KIF11: variants seen among roughly 807,000 people sequenced by gnomAD.
KIF11 encodes the protein kinesin family member 11.
A neutral mutation model predicts 121.0 loss-of-function variants in KIF11; 9 were observed. That is an observed-to-expected ratio of 0.07 (90% CI 0.04 to 0.13). The LOEUF (loss-of-function observed/expected upper bound fraction) is 0.13. Among genes scored for constraint, KIF11 ranks in the 10% least tolerant of loss-of-function variants. The pLI is 1.00. For missense variants in KIF11, 846 were observed against 1,217.5 expected (o/e 0.69, Z 4.54); for synonymous variants, 408 against 421.0 (o/e 0.97, Z 0.38).
intron 17 of KIF11, among the ~76,000 whole-genome samples, chr10:92,640,200 GA>G (rs1376653856): frequency 6.6e-6 from 1 of 152,168 alleles, no homozygotes; most frequent in East Asian, 1.9e-4. Context: ...TATTACTGAT[GA>G]AAAATATACT....
chr10:92,615,997 C>A lies in KIF11; in HGVS notation c.1033-740C>A, dbSNP rs975058211. On this transcript the variant is annotated intron_variant, in intron 8 of 21. Transcript: ENST00000260731. ...TGGGATTACAGGCGCCACCACCATG[C>A]CTGGCTAATTTTTGTATTTGTGGTG... Among the ~76,000 whole-genome samples the A allele has an allele frequency of 2.6e-5, 4 of 151,612 alleles. No individual in the cohort carries two copies. In the South Asian group the frequency reaches 8.3e-4, roughly 31 times the overall value.
chr10:92,629,143 G>T (rs1844708309), intron 11 of KIF11, among the ~76,000 whole-genome samples: 1 of 151,798 alleles, frequency 6.6e-6, no homozygotes, highest in Admixed American at 6.6e-5. Flanking sequence ...ACCATGCCTG[G>T]CTAATTTTTT....
chr10:92,635,362 G>A (rs1844784771), intron 14 of KIF11, among the ~76,000 whole-genome samples: 1 of 152,130 alleles, frequency 6.6e-6, no homozygotes, highest in East Asian at 1.9e-4. Context: ...AGATATTGCA[G>A]GTTTGCTTCC....
At chr10:92,652,325 A>G (rs560107470) in intron 21 of KIF11, among the ~76,000 whole-genome samples, 1 of 152,038 alleles carries the variant, frequency 6.6e-6, no homozygotes, top group Non-Finnish European at 1.5e-5. Flanking sequence ...TTTTTAGTAG[A>G]GAAGGGGTTT....
At chr10:92,637,780 C>A (rs1251342852) in intron 16 of KIF11, among the ~76,000 whole-genome samples, 1 of 152,178 alleles carries the variant, frequency 6.6e-6, no homozygotes, top group East Asian at 1.9e-4. Flanking sequence ...TATGACAAAA[C>A]AGTCCTTTTC....
chr10:92,606,649 G>A lies in KIF11; in HGVS notation c.241G>A (p.Val81Ile), dbSNP rs763388552. Residue 81 changes from valine to isoleucine, a missense_variant, in exon 3 of 22, where the codon GTT (valine) becomes ATT (isoleucine). Val to Ile is a conservative substitution (Grantham distance 29). Transcript: ENST00000260731. ...TGGAGCATCTACTAAACAGATTGAT[G>A]TTTACCGAAGTGTTGTTTGTCCAAT... ...VFGASTKQID[V>I]YRSVVCPILD... The A allele has an allele frequency of 1.3e-6, 2 of 1,587,432 alleles. No individual in the cohort carries two copies. The highest frequency in any genetic ancestry group is 1.4e-5 in the African/African-American group (1 of 73,956).
intron 14 of KIF11, among the ~76,000 whole-genome samples, chr10:92,634,564 G>A (rs921746448): frequency 1.3e-5 from 2 of 152,118 alleles, no homozygotes; most frequent in African/African-American, 2.4e-5. Context: ...GTGAGCCACC[G>A]TGCCCGGCCG....
rs777932420 is a variant in KIF11, at chr10:92,606,243, CTT to C, written c.78-20_78-19del. The C allele has an allele frequency of 1.9e-6, 3 of 1,559,178 alleles. No homozygotes were observed. Among genetic ancestry groups the C allele is most frequent in the Admixed American group, 2.2e-5 (1 of 45,992 alleles). On this transcript the variant is annotated intron_variant, in intron 1 of 21. Transcript: ENST00000260731. The stretch of plus-strand genomic sequence containing the variant: ...CTGAGAACTAAGAGCTCTTGAATGA[CTT>C]TGTGTATTTCTTTTTATAGACCATT...
Position 92,613,608 on chromosome 10 carries a change from C to G in KIF11, c.1021C>G (p.Leu341Val). 1.9e-6 allele frequency: 3 copies of G among 1,612,568 alleles called. No homozygotes were observed. Residue 341 changes from leucine (L) to valine (V), a missense_variant, in exon 8 of 22, where the codon CTC becomes GTC. Leu to Val is a conservative substitution (Grantham distance 32). Coordinates refer to ENST00000260731, the MANE Select transcript of KIF11 (RefSeq NM_004523.4). This position sits in a 1 kb window ranked among gnomAD's most constrained non-coding sequence, Gnocchi z 4.2. ...AATTGCAACAATTTCTCCTGCATCT[C>G]TCAATCTTGAGGTAAGCCCTTTGAA... is the stretch of plus-strand genomic sequence containing the variant. ...SIIATISPAS[L>V]NLEETLSTLE...
intron 10 of KIF11, among the ~76,000 whole-genome samples, chr10:92,627,818 A>G (rs1380237073): frequency 1.3e-5 from 2 of 152,088 alleles, no homozygotes; most frequent in South Asian, 2.1e-4. Flanking sequence ...TCTAGCCCTC[A>G]GTCTTTTCTG....
rs186680153 is a variant in KIF11 at position 92,637,162 on chromosome 10, A to G, written c.1876-22A>G. ...GTGGAAATATTCTTTTTAAAGACCT[A>G]TTTGTTTATTTCTGAAACCAGAATG... On this transcript the variant is annotated intron_variant, in intron 14 of 21. Transcript: ENST00000260731. 44 of 1,553,204 alleles carry G rather than the reference A, an allele frequency of 2.8e-5. No individual in the cohort carries two copies. In the East Asian group the frequency reaches 8.8e-4, roughly 31 times the overall value.
At position 92,609,456 on chromosome 10, in the gene KIF11, A is replaced by G. The variant is rs1249553664; in HGVS notation, c.645A>G (p.Glu215=). The change falls in exon 6 of 22, where the codon GAA becomes GAG. Residue 215 remains glutamate (E), a synonymous_variant. Transcript: ENST00000260731. The part of the protein sequence containing the change: ...HNKDEVYQIL[E]KGAAKRTTAA... ...AGGATGAAGTCTATCAAATTTTAGAAAAGGGGGCAGCAAAAAGGACAACTG... is the reference window on the plus strand; with the variant it reads ...AGGATGAAGTCTATCAAATTTTAGAGAAGGGGGCAGCAAAAAGGACAACTG... The G allele has an allele frequency of 6.8e-6, 11 of 1,613,784 alleles. No homozygotes were observed. Among genetic ancestry groups the G allele is most frequent in the Middle Eastern group, 3.3e-4 (2 of 6,084 alleles).
At chr10:92,639,682 G>T (rs1285548218) in intron 16 of KIF11, 112 bp from the exon 17 acceptor site, 6 of 605,984 alleles carry the variant, frequency 9.9e-6, no homozygotes, top group Admixed American at 2.7e-5. Context: ...CTCTTGTCAA[G>T]AATTTATATA....
At chr10:92,624,766 T>TGC (rs1844654342) in intron 10 of KIF11, among the ~76,000 whole-genome samples, 1 of 151,398 alleles carries the variant, frequency 6.6e-6, no homozygotes, top group African/African-American at 2.4e-5. Flanking sequence ...TTTCTGTGTG[T>TGC]GTGTGGTTTT....
At chr10:92,651,517 T>G (rs1564719296) in intron 21 of KIF11, among the ~76,000 whole-genome samples, 2 of 59,246 alleles carry the variant, frequency 3.4e-5, no homozygotes, top group Non-Finnish European at 5.9e-5. Context: ...GTTTTTTTTT[T>G]TTTTTTTTTT....
intron 16 of KIF11, among the ~76,000 whole-genome samples, chr10:92,639,258 C>G (rs988795306): frequency 2.0e-5 from 3 of 152,124 alleles, no homozygotes; most frequent in African/African-American, 7.2e-5. Context: ...TTGTTACTTA[C>G]AGCTAAAATA....
intron 14 of KIF11, among the ~76,000 whole-genome samples, chr10:92,636,725 T>C (rs1270911233): frequency 6.6e-6 from 1 of 151,802 alleles, no homozygotes; most frequent in African/African-American, 2.4e-5. Flanking sequence ...GATTTATCTA[T>C]GTAGAGTATA....
intron 1 of KIF11, among the ~76,000 whole-genome samples, chr10:92,594,685 A>G (rs573397524): frequency 2.2e-4 from 33 of 152,316 alleles, no homozygotes; most frequent in South Asian, 1.2e-3. Flanking sequence ...AAACAAAACA[A>G]TCATTGCTGG....
At chr10:92,593,828 A>C (rs1459675954) in intron 1 of KIF11, among the ~76,000 whole-genome samples, 1 of 152,202 alleles carries the variant, frequency 6.6e-6, no homozygotes, top group Non-Finnish European at 1.5e-5. Context: ...GCAATCAATC[A>C]CTGTTCTCTT....
Sources: allele counts gnomAD v4.1 joint callset (sites outside exome capture counted in the v4.1 genomes callset), GRCh38; gene constraint gnomAD v4.1.1; non-coding constraint Gnocchi (gnomAD v3.1); transcripts MANE v1.5; gene names NCBI Gene and HGNC (gene_info 2026-07-23, HGNC 2026-07-21).